AGBL1: variants seen among roughly 807,000 people sequenced by gnomAD.
The protein encoded by AGBL1 is AGBL carboxypeptidase 1.
In AGBL1, 130 loss-of-function variants were observed where a neutral mutation model predicts 118.9. The observed-to-expected ratio is 1.09, with a 90% confidence interval of 0.95 to 1.26. The LOEUF (loss-of-function observed/expected upper bound fraction) is 1.26, where lower values mean the gene tolerates loss of function less well. Among genes scored for constraint, AGBL1 ranks in the 50% most tolerant of loss-of-function variants. The probability of loss-of-function intolerance (pLI) is 0.00; values close to 1 mark genes in which losing one functional copy is unlikely to be tolerated. For synonymous variants in AGBL1, 555 were observed against 478.9 expected (o/e 1.16, Z -2.08); for missense variants, 1,584 against 1,298.1 (o/e 1.22, Z -3.38).
At chr15:86,129,239 C>T (rs1354585122) in intron 1 of AGBL1, among the ~76,000 whole-genome samples, 2 of 152,096 alleles carry the variant, frequency 1.3e-5, no homozygotes, top group African/African-American at 4.8e-5. Flanking sequence ...TAGAATGAAA[C>T]TTGCTAAATT....
At chr15:86,248,006 C>G in intron 7 of AGBL1, 127 bp downstream of exon 7, 1 of 1,254,156 alleles carries the variant, frequency 8.0e-7, no homozygotes, top group Non-Finnish European at 1.1e-6. Flanking sequence ...CTGCTAAGGG[C>G]GGATGTTCTG....
chr15:86,604,269 C>A (rs971691834), intron 21 of AGBL1, among the ~76,000 whole-genome samples: 1 of 148,388 alleles, frequency 6.7e-6, no homozygotes, highest in African/African-American at 2.5e-5. Flanking sequence ...CATTAAACAA[C>A]AGTTATCAAT....
intron 5 of AGBL1, among the ~76,000 whole-genome samples, chr15:86,203,796 G>A (rs1245992832): frequency 6.6e-6 from 1 of 152,114 alleles, no homozygotes; most frequent in Non-Finnish European, 1.5e-5. Context: ...GGGGTATTGT[G>A]GGAAAGGAAA....
intron 21 of AGBL1, among the ~76,000 whole-genome samples, chr15:86,618,937 T>C (rs1232921278): frequency 1.3e-5 from 2 of 152,152 alleles, no homozygotes; most frequent in Non-Finnish European, 2.9e-5. Context: ...GCTTGTCCTC[T>C]CAGAATGCAG....
intron 9 of AGBL1, among the ~76,000 whole-genome samples, chr15:86,260,500 T>G (rs2078965763): frequency 6.6e-6 from 1 of 152,172 alleles, no homozygotes; most frequent in African/African-American, 2.4e-5. Flanking sequence ...ATAAACAGAG[T>G]GAATTCAAGC....
At position 86,863,746 on chromosome 15, in the gene AGBL1, G is replaced by A. The variant is rs190659407; in HGVS notation, c.3159-43341G>A. 4.4e-3 allele frequency among the ~76,000 whole-genome samples: 677 copies of A among 152,256 alleles called. 14 individuals carry two copies. The highest frequency in any genetic ancestry group is 2.2e-3 in the Non-Finnish European group (149 of 68,026). ...TCATGGGCATAACAAAGTAATAATA[G>A]CAGAAATGTGATCATATCTGTGCAA... On this transcript the variant is annotated intron_variant, in intron 22 of 22. Transcript: ENST00000614907.
chr15:86,138,717 T>C (rs1345994829), intron 1 of AGBL1, among the ~76,000 whole-genome samples: 1 of 152,226 alleles, frequency 6.6e-6, no homozygotes, highest in African/African-American at 2.4e-5. Flanking sequence ...TTTTCTCTCT[T>C]ATTTTCCTTT....
At chr15:86,653,759 GC>G (rs2085416814) in intron 21 of AGBL1, among the ~76,000 whole-genome samples, 1 of 152,088 alleles carries the variant, frequency 6.6e-6, no homozygotes, top group African/African-American at 2.4e-5. Flanking sequence ...CATCATGATG[GC>G]TTTCCACTTG....
chr15:86,366,985 G>A (rs1005831031), intron 17 of AGBL1, among the ~76,000 whole-genome samples: 3 of 152,196 alleles, frequency 2.0e-5, no homozygotes, highest in Admixed American at 2.0e-4. Context: ...TTCTGGGGGC[G>A]GGCCGACTTG....
chr15:86,127,948 T>C (rs965929358), intron 1 of AGBL1, among the ~76,000 whole-genome samples: 1 of 152,180 alleles, frequency 6.6e-6, no homozygotes, highest in African/African-American at 2.4e-5. Flanking sequence ...ATTAAGAATA[T>C]CTCTTTAGGA....
chr15:86,448,392 A>G (rs1459100051), intron 18 of AGBL1, among the ~76,000 whole-genome samples: 1 of 152,174 alleles, frequency 6.6e-6, no homozygotes, highest in African/African-American at 2.4e-5. Flanking sequence ...ATCCCTACTC[A>G]TGAGTTAAGC....
intron 22 of AGBL1, among the ~76,000 whole-genome samples, chr15:86,853,479 T>C (rs1188266444): frequency 2.0e-5 from 3 of 152,196 alleles, no homozygotes; most frequent in African/African-American, 7.2e-5. Flanking sequence ...ATTCTACAGA[T>C]GAAGAAATTG....
At chr15:86,082,137 G>A (rs922650387) in intron 1 of AGBL1, among the ~76,000 whole-genome samples, 5 of 152,136 alleles carry the variant, frequency 3.3e-5, no homozygotes, top group African/African-American at 7.2e-5. Context: ...CTGTCTCTAC[G>A]GTAGAAGTCA....
At chr15:86,315,264 G>T (rs183303597) in intron 17 of AGBL1, among the ~76,000 whole-genome samples, 29 of 152,236 alleles carry the variant, frequency 1.9e-4, no homozygotes, top group South Asian at 1.7e-3. Flanking sequence ...GTAGGTATTG[G>T]AGTCACTCTT....
At chr15:86,444,680 C>G (rs1418421583) in intron 18 of AGBL1, among the ~76,000 whole-genome samples, 1 of 152,120 alleles carries the variant, frequency 6.6e-6, no homozygotes, top group Non-Finnish European at 1.5e-5. Flanking sequence ...CATCCAGCAG[C>G]AGAAAGGGAG....
chr15:86,680,570 T>C lies in AGBL1; in HGVS notation c.3158+6134T>C, dbSNP rs963380543. 1.9e-4 allele frequency among the ~76,000 whole-genome samples: 26 copies of C among 138,594 alleles called. 1 individual carries two copies. The highest frequency in any genetic ancestry group is 3.5e-4 in the African/African-American group (13 of 37,548). 90.9% of individuals were successfully genotyped at this position (138,594 alleles called of 152,430 possible). ...TTTCTTTCTTTCTTTCTTTTCTTTT[T>C]TTTTTTTTTTTTTTTGAGATGGGGG... On this transcript the variant is annotated intron_variant, in intron 22 of 22. Coordinates refer to ENST00000614907, the MANE Select transcript of AGBL1 (RefSeq NM_001386094.1).
At chr15:86,630,005 A>G (rs1276306529) in intron 21 of AGBL1, among the ~76,000 whole-genome samples, 1 of 152,266 alleles carries the variant, frequency 6.6e-6, no homozygotes, top group Non-Finnish European at 1.5e-5. Flanking sequence ...TTGCAATTGC[A>G]GATACATTGC....
intron 24 of AGBL1, among the ~76,000 whole-genome samples, chr15:87,013,870 G>T (rs568210488): frequency 9.9e-5 from 15 of 152,142 alleles, no homozygotes; most frequent in Non-Finnish European, 1.8e-4. Context: ...TAGCAGGGAG[G>T]TCATGGGCTT....
intron 23 of AGBL1, chr15:86,946,157 A>G (rs1248711997): frequency 1.3e-5 from 2 of 152,216 alleles, no homozygotes; most frequent in African/African-American, 4.8e-5. Context: ...CGGGTCACTA[A>G]TTATGATGCA....
Sources: gnomAD v4.1 joint callset for allele counts (sites outside exome capture counted in the v4.1 genomes callset) on GRCh38, gnomAD v4.1.1 for gene constraint, MANE v1.5 for transcripts, NCBI Gene and HGNC (gene_info 2026-07-23, HGNC 2026-07-21) for gene names.